TTC27: variants seen among roughly 807,000 people sequenced by gnomAD.
The protein encoded by TTC27 is tetratricopeptide repeat domain 27, also known as tetratricopeptide repeat protein 27.
In TTC27, 79 loss-of-function variants were observed where a neutral mutation model predicts 115.9. The ratio of observed to expected loss-of-function variants is 0.68; its 90% confidence interval spans 0.57 to 0.82. TTC27 has a LOEUF of 0.82. Among genes scored for constraint, TTC27 ranks in the 40% least tolerant of loss-of-function variants. The pLI, the probability that TTC27 is intolerant of heterozygous loss-of-function variation, is 0.00. For synonymous variants in TTC27, 401 were observed against 356.0 expected (o/e 1.13, Z -1.42); for missense variants, 1,054 against 993.1 (o/e 1.06, Z -0.82).
At position 32,715,218 on chromosome 2, in the gene TTC27, A is replaced by C. The variant is rs552107447; in HGVS notation, c.1233+12298A>C. Among the ~76,000 whole-genome samples, 10 of 152,262 alleles carry C rather than the reference A, an allele frequency of 6.6e-5. No individual in the cohort carries two copies. The East Asian group carries it at 1.2e-3, about 18-fold the overall frequency. ...TTTATAGTTTTTGGTTTTACATTTA[A>C]GTCTTTAATCCATCTTGAGTTGATT... On this transcript the variant is annotated intron_variant, in intron 10 of 19. Coordinates refer to ENST00000317907, the MANE Select transcript of TTC27 (RefSeq NM_017735.5).
chr2:32,717,015 T>G (rs1572544021), intron 10 of TTC27, among the ~76,000 whole-genome samples: 1 of 151,736 alleles, frequency 6.6e-6, no homozygotes, highest in Admixed American at 6.6e-5. Flanking sequence ...TTAATTTTTT[T>G]TTTTTTTTGA....
intron 9 of TTC27, among the ~76,000 whole-genome samples, chr2:32,683,210 G>A (rs1484269018): frequency 6.6e-6 from 1 of 151,828 alleles, no homozygotes; most frequent in Non-Finnish European, 1.5e-5. Context: ...GGCTAGTCTC[G>A]AACTCCTGAC....
chr2:32,764,447 CAA>C (rs550738642), intron 13 of TTC27, among the ~76,000 whole-genome samples: 2 of 150,342 alleles, frequency 1.3e-5, no homozygotes, highest in Non-Finnish European at 3.0e-5. Flanking sequence ...ACTTTATTAC[CAA>C]AAAAAAATGC....
intron 11 of TTC27, among the ~76,000 whole-genome samples, chr2:32,736,477 T>C (rs2151916520): frequency 6.6e-6 from 1 of 152,324 alleles, no homozygotes; most frequent in African/African-American, 2.4e-5. Context: ...ACAAAAAAAT[T>C]GTTCTTTAAT....
chr2:32,746,573 A>AAAAAAAAAAAAAAAAAAAAAC, intron 12 of TTC27, among the ~76,000 whole-genome samples: 1 of 144,202 alleles, frequency 6.9e-6, no homozygotes, highest in Non-Finnish European at 1.6e-5. Context: ...CAAAAAAAAA[A>AAAAAAAAAAAAAAAAAAAAAC]AAAAAAAAAG....
chr2:32,686,111 C>T (rs1666620290), intron 9 of TTC27, among the ~76,000 whole-genome samples: 1 of 152,084 alleles, frequency 6.6e-6, no homozygotes, highest in Non-Finnish European at 1.5e-5. Flanking sequence ...CAAATATTTA[C>T]AAATAATTAC....
chr2:32,778,781 A>T (rs1371683693), intron 14 of TTC27, among the ~76,000 whole-genome samples: 2 of 152,202 alleles, frequency 1.3e-5, no homozygotes, highest in African/African-American at 4.8e-5. Flanking sequence ...TTTGGCTATT[A>T]TAAATATCAC....
At chr2:32,766,871 C>T (rs549530468) in intron 13 of TTC27, among the ~76,000 whole-genome samples, 1 of 152,262 alleles carries the variant, frequency 6.6e-6, no homozygotes, top group Admixed American at 6.5e-5. Flanking sequence ...CTGGAACCTT[C>T]ATCTCCCGGG....
intron 14 of TTC27, among the ~76,000 whole-genome samples, chr2:32,778,474 A>G (rs1432405443): frequency 1.3e-5 from 2 of 152,186 alleles, no homozygotes; most frequent in Non-Finnish European, 2.9e-5. Flanking sequence ...CCCTGTACCC[A>G]TTAGTTGTCA....
Position 32,820,874 on chromosome 2 carries a change from C to T in TTC27, c.2468C>T (p.Thr823Ile). ...EMSRELADDI[T>I]AMDTLVTELQ... The stretch of plus-strand genomic sequence containing the variant: ...TCCAGGGAATTAGCTGATGACATAA[C>T]AGCTATGGACACCTTAGTGACAGAG... The change falls in exon 20 of 20, where the codon ACA (threonine) becomes ATA (isoleucine). Residue 823 changes from threonine to isoleucine, a missense_variant. By Grantham distance (89) the Thr-to-Ile change is moderately conservative. Transcript: ENST00000317907. The T allele has an allele frequency of 3.2e-6, 5 of 1,544,268 alleles. No individual in the cohort carries two copies. Among genetic ancestry groups the T allele is most frequent in the Non-Finnish European group, 4.4e-6 (5 of 1,142,122 alleles).
chr2:32,798,726 A>AATG lies in TTC27; in HGVS notation c.1998+11579_1998+11580insGAT, dbSNP rs1226853197. Among the ~76,000 whole-genome samples the AATG allele has an allele frequency of 2.0e-3, 295 of 150,398 alleles. 1 individual carries two copies. Among genetic ancestry groups the AATG allele is most frequent in the African/African-American group, 7.0e-3 (284 of 40,636 alleles). On this transcript the variant is annotated intron_variant, in intron 16 of 19. Coordinates refer to ENST00000317907, the MANE Select transcript of TTC27 (RefSeq NM_017735.5). Reference sequence around the variant, plus strand: ...GCTCAAAAAAAAAAATAATAATAATAATAATAATAATAAGTGTTGACAAGG... The same window carrying AATG: ...GCTCAAAAAAAAAAATAATAATAATAATGATAATAATAATAAGTGTTGACAAGG...
rs566578461 is a variant in TTC27, at chr2:32,732,061, CA to C, written c.1234-1759del. On this transcript the variant is annotated intron_variant, in intron 10 of 19. Transcript: ENST00000317907. ...GAGAGCATTAGTTATTTTTTCTTTC[CA>C]AAAAAAACTGAATTGATAAAAAAGT... 1.1e-4 allele frequency among the ~76,000 whole-genome samples: 16 copies of C among 150,912 alleles called. No homozygotes were observed. The East Asian group carries it at 2.3e-3, about 22-fold the overall frequency.
chr2:32,694,173 A>C (rs1037543986), intron 9 of TTC27, among the ~76,000 whole-genome samples: 72 of 152,350 alleles, frequency 4.7e-4, no homozygotes, highest in African/African-American at 1.7e-3. Flanking sequence ...CTAAGAAATG[A>C]GTATGAATTA....
At chr2:32,714,146 CACCCCCG>C (rs1437510808) in intron 10 of TTC27, among the ~76,000 whole-genome samples, 1 of 144,528 alleles carries the variant, frequency 6.9e-6, no homozygotes, top group Non-Finnish European at 1.5e-5. Context: ...ATATGCAGCG[CACCCCCG>C]CCCCCCCGCC....
intron 6 of TTC27, among the ~76,000 whole-genome samples, chr2:32,666,397 A>C (rs1221776534): frequency 2.0e-5 from 3 of 151,006 alleles, no homozygotes; most frequent in African/African-American, 7.3e-5. Flanking sequence ...AGTTTGATGC[A>C]AAAATTAGTA....
chr2:32,677,513 A>G (rs1486779987), intron 8 of TTC27, among the ~76,000 whole-genome samples: 1 of 151,906 alleles, frequency 6.6e-6, no homozygotes, highest in Non-Finnish European at 1.5e-5. Flanking sequence ...GCAATGGCGC[A>G]ATCTTGGCTC....
chr2:32,704,560 T>TA (rs1667301259), intron 10 of TTC27, among the ~76,000 whole-genome samples: 1 of 152,172 alleles, frequency 6.6e-6, no homozygotes, highest in Non-Finnish European at 1.5e-5. Flanking sequence ...AGAATTCCCA[T>TA]ATAGCCTTCA....
chr2:32,728,331 G>A (rs903307502), intron 10 of TTC27, among the ~76,000 whole-genome samples: 13 of 151,968 alleles, frequency 8.6e-5, no homozygotes, highest in Admixed American at 4.6e-4. Flanking sequence ...GTGAACCACC[G>A]CGCCCGGCCA....
At chr2:32,808,505 A>G (rs577114588) in intron 16 of TTC27, among the ~76,000 whole-genome samples, 8 of 152,238 alleles carry the variant, frequency 5.3e-5, no homozygotes, top group East Asian at 3.9e-4. Context: ...GGCATTCAGT[A>G]TCTGCCCTAC....
Sources: allele counts gnomAD v4.1 joint callset (sites outside exome capture counted in the v4.1 genomes callset), GRCh38; gene constraint gnomAD v4.1.1; transcripts MANE v1.5; gene names NCBI Gene and HGNC (gene_info 2026-07-23, HGNC 2026-07-21).